The following KCNN2 variants were observed in gnomAD, a reference collection of about 807,000 sequenced individuals.
The protein encoded by KCNN2 is small conductance calcium-activated potassium channel protein 2.
Under a neutral mutation model 55.5 loss-of-function variants are expected in KCNN2, and 24 were observed. That is an observed-to-expected ratio of 0.43 (90% CI 0.31 to 0.61). The LOEUF is 0.61. KCNN2 is among the 20% of genes least tolerant of loss of function. The pLI, the probability that KCNN2 is intolerant of heterozygous loss-of-function variation, is 0.08. For missense variants in KCNN2, 754 were observed against 853.6 expected, an observed-to-expected ratio of 0.88 and a Z score of 1.45; for synonymous variants, 431 against 336.1, an observed-to-expected ratio of 1.28 and a Z score of -3.09.
intron 1 of KCNN2, among the ~76,000 whole-genome samples, chr5:114,215,356 G>T (rs116467640): frequency 1.3e-5 from 2 of 152,126 alleles, no homozygotes; most frequent in Admixed American, 6.6e-5. Flanking sequence ...TTTATAGTAA[G>T]CTGGGAGTAA....
rs547585219 is a variant in KCNN2, at chr5:114,432,514, G to A, written c.1637+27658G>A. Among the ~76,000 whole-genome samples, 14 of 152,202 alleles carry A rather than the reference G, an allele frequency of 9.2e-5. No individual in the cohort carries two copies. The South Asian group carries it at 2.3e-3, about 25-fold the overall frequency. On this transcript the variant is annotated intron_variant, in intron 3 of 7. Transcript: ENST00000673685. ...CAACACATGGTTGAGAGGTGACAGCGTGCTGGCAGTCCTCACAGCCCTCGC... is the reference window on the plus strand; with the variant it reads ...CAACACATGGTTGAGAGGTGACAGCATGCTGGCAGTCCTCACAGCCCTCGC...
chr5:114,299,543 T>G (rs1222688811), intron 2 of KCNN2, among the ~76,000 whole-genome samples: 2 of 152,198 alleles, frequency 1.3e-5, no homozygotes, highest in Non-Finnish European at 2.9e-5. Context: ...TTCAGTTTCT[T>G]TCTGGGGGGA....
intron 1 of KCNN2, among the ~76,000 whole-genome samples, chr5:114,154,583 T>A (rs1027883781): frequency 1.3e-5 from 2 of 152,164 alleles, no homozygotes; most frequent in African/African-American, 4.8e-5. Flanking sequence ...CAGTGAGAAA[T>A]AATACTGTCA....
chr5:114,288,499 T>TATACACACACACACACACAC (rs1305284375), intron 2 of KCNN2, among the ~76,000 whole-genome samples: 1 of 139,548 alleles, frequency 7.2e-6, no homozygotes, highest in Non-Finnish European at 1.5e-5. Flanking sequence ...TATATATATA[T>TATACACACACACACACACAC]ACACACACAC....
chr5:114,463,461 G>T (rs1490195968), intron 4 of KCNN2, among the ~76,000 whole-genome samples: 1 of 152,202 alleles, frequency 6.6e-6, no homozygotes, highest in Non-Finnish European at 1.5e-5. Flanking sequence ...TGGAGCTTTG[G>T]CTTCAGAATC....
chr5:114,227,433 C>T (rs916252989), intron 2 of KCNN2, among the ~76,000 whole-genome samples: 33 of 152,168 alleles, frequency 2.2e-4, no homozygotes, highest in African/African-American at 7.2e-4. Context: ...TAAAGTACCC[C>T]GTACTGTTGT....
chr5:114,082,280 T>C (rs898041827), intron 1 of KCNN2, among the ~76,000 whole-genome samples: 4 of 150,922 alleles, frequency 2.7e-5, no homozygotes, highest in Non-Finnish European at 5.9e-5. Context: ...GCTTTGATTG[T>C]GCCACTACAC....
intron 5 of KCNN2, among the ~76,000 whole-genome samples, chr5:114,483,511 A>G (rs1228397426): frequency 6.6e-6 from 1 of 151,950 alleles, no homozygotes; most frequent in Non-Finnish European, 1.5e-5. Flanking sequence ...CCTGACCTCA[A>G]GTGAGCCACT....
At chr5:114,404,308 A>G (rs1034042468) in intron 2 of KCNN2, 130 bp from the exon 3 acceptor site, 87 of 675,618 alleles carry the variant, frequency 1.3e-4, no homozygotes, top group Non-Finnish European at 1.1e-4. Context: ...CCTGGCTAGC[A>G]TTTAAAAGTT....
At chr5:114,103,400 A>G (rs1212707021) in intron 1 of KCNN2, among the ~76,000 whole-genome samples, 1 of 152,092 alleles carries the variant, frequency 6.6e-6, no homozygotes, top group Non-Finnish European at 1.5e-5. Flanking sequence ...TTGTCTTCCT[A>G]TTTGAATACT....
intron 2 of KCNN2, among the ~76,000 whole-genome samples, chr5:114,241,824 G>A (rs62382891): frequency 0.79 from 25,096 of 31,872 alleles, 10,232 homozygotes; most frequent in South Asian, 0.85. Flanking sequence ...ATATATGTGT[G>A]TATATATATA....
At chr5:114,150,009 C>T (rs1395835336) in intron 1 of KCNN2, among the ~76,000 whole-genome samples, 1 of 152,166 alleles carries the variant, frequency 6.6e-6, no homozygotes, top group African/African-American at 2.4e-5. Flanking sequence ...TGAACATCTG[C>T]TTTTCTGGGA....
chr5:114,423,382 A>T (rs1759526389), intron 3 of KCNN2, among the ~76,000 whole-genome samples: 1 of 152,218 alleles, frequency 6.6e-6, no homozygotes, highest in Non-Finnish European at 1.5e-5. Context: ...ATGGTACGAT[A>T]TGAGCCTAAA....
At chr5:114,399,898 G>A (rs1282645501) in intron 2 of KCNN2, among the ~76,000 whole-genome samples, 1 of 145,992 alleles carries the variant, frequency 6.8e-6, no homozygotes, top group African/African-American at 2.5e-5. Context: ...GCATAGAGAT[G>A]TACATAGTAG....
At chr5:114,401,993 A>G (rs1219900011) in intron 2 of KCNN2, among the ~76,000 whole-genome samples, 1 of 152,206 alleles carries the variant, frequency 6.6e-6, no homozygotes, top group Admixed American at 6.5e-5. Context: ...GGAATATGGT[A>G]ATGGAGAGTG....
chr5:114,395,365 T>G (rs548939094), intron 2 of KCNN2, among the ~76,000 whole-genome samples: 1 of 152,338 alleles, frequency 6.6e-6, no homozygotes, highest in South Asian at 2.1e-4. Flanking sequence ...GAGGGCACAT[T>G]CAGCATTATG....
chr5:114,252,176 G>C (rs1191866208), intron 2 of KCNN2, among the ~76,000 whole-genome samples: 1 of 151,944 alleles, frequency 6.6e-6, no homozygotes, highest in African/African-American at 2.4e-5. Context: ...CCATGGCCTG[G>C]CCTAGTTTTT....
At chr5:114,326,453 T>C (rs955459178) in intron 2 of KCNN2, among the ~76,000 whole-genome samples, 12 of 152,034 alleles carry the variant, frequency 7.9e-5, no homozygotes, top group African/African-American at 2.7e-4. Context: ...GAGTGTGGCT[T>C]TTGTTCTATA....
chr5:114,339,184 C>A (rs959214003), intron 2 of KCNN2, among the ~76,000 whole-genome samples: 2 of 152,206 alleles, frequency 1.3e-5, no homozygotes, highest in African/African-American at 4.8e-5. Flanking sequence ...CTCAGGGTCA[C>A]CTCAACAGCC....
Sources: allele counts gnomAD v4.1 joint callset (sites outside exome capture counted in the v4.1 genomes callset), GRCh38; gene constraint gnomAD v4.1.1; transcripts MANE v1.5; gene names NCBI Gene and HGNC (gene_info 2026-07-23, HGNC 2026-07-21).